FCRL2: variants seen among roughly 807,000 people sequenced by gnomAD.
FCRL2 encodes Fc receptor-like protein 2.
Under a neutral mutation model 59.8 loss-of-function variants are expected in FCRL2, and 48 were observed. That is an observed-to-expected ratio of 0.80 (90% confidence interval 0.64 to 1.02). The LOEUF (loss-of-function observed/expected upper bound fraction) is 1.02. FCRL2 is among the 50% of genes least tolerant of loss of function. FCRL2 has a pLI of 0.00. For synonymous variants in FCRL2, 251 were observed against 229.5 expected (o/e 1.09, Z -0.85); for missense variants, 658 against 597.3 (o/e 1.10, Z -1.06).
Position 157,770,619 on chromosome 1 carries a change from T to C in FCRL2, c.100A>G (p.Ile34Val), listed in dbSNP as rs750399441. ...APSSVFEGDS[I>V]VLKCQGEQNW... is the part of the protein sequence containing the mutation. ...TGTTCTCCCTGGCATTTCAGAACGA[T>C]GCTGTCTCCTTCGAAGACAGAAGAG... Residue 34 changes from isoleucine to valine, a missense_variant, in exon 3 of 12, where the codon ATC (isoleucine) becomes GTC (valine). Physicochemically the swap from Ile to Val is conservative, Grantham distance 29. Transcript: ENST00000361516. 5.0e-6 allele frequency: 8 copies of C among 1,614,082 alleles called. No individual in the cohort carries two copies. Among genetic ancestry groups the C allele is most frequent in the African/African-American group, 1.3e-5 (1 of 74,928 alleles).
At chr1:157,757,353 G>A (rs952299856) in intron 7 of FCRL2, among the ~76,000 whole-genome samples, 2 of 152,188 alleles carry the variant, frequency 1.3e-5, no homozygotes, top group African/African-American at 4.8e-5. Flanking sequence ...TAAGGGTGGA[G>A]CCCTGATACA....
chr1:157,768,264 G>T, intron 5 of FCRL2, 150 bp downstream of exon 5: 1 of 693,528 alleles, frequency 1.4e-6, no homozygotes, highest in Non-Finnish European at 2.4e-6. Flanking sequence ...CAGGTCAGCA[G>T]TCTAACCTGC....
intron 7 of FCRL2, among the ~76,000 whole-genome samples, chr1:157,756,185 T>C (rs1200299238): frequency 6.6e-6 from 1 of 152,226 alleles, no homozygotes; most frequent in East Asian, 1.9e-4. Flanking sequence ...ATTTCTATGC[T>C]GTGCAAAGCA....
Position 157,772,447 on chromosome 1 carries a change from A to C in FCRL2, c.53-1781T>G, listed in dbSNP as rs140473487. Among the ~76,000 whole-genome samples, 39 of 152,326 alleles carry C rather than the reference A, an allele frequency of 2.6e-4. No homozygotes were observed. In the East Asian group the frequency reaches 6.8e-3, roughly 26 times the overall value. ...TGGATGATCTTGAGTCCATAACAGC[A>C]GACCAGCAAGTGGGAGCAGCAGGGT... is the stretch of plus-strand genomic sequence containing the variant. On this transcript the variant is annotated intron_variant, in intron 2 of 11. Transcript: ENST00000361516.
intron 7 of FCRL2, among the ~76,000 whole-genome samples, chr1:157,754,480 T>G (rs1487217177): frequency 2.0e-5 from 3 of 152,176 alleles, no homozygotes; most frequent in African/African-American, 7.2e-5. Context: ...GGGGCTACTC[T>G]GCCTATGGAA....
chr1:157,747,354 A>G (rs1258110695), intron 10 of FCRL2, among the ~76,000 whole-genome samples: 1 of 152,186 alleles, frequency 6.6e-6, no homozygotes, highest in Admixed American at 6.5e-5. Flanking sequence ...CTGCTTAGTG[A>G]TGTCTGCTTC....
chr1:157,761,353 C>T lies in FCRL2; in HGVS notation c.1279+5502G>A, dbSNP rs553521826. Among the ~76,000 whole-genome samples the T allele has an allele frequency of 6.6e-4, 101 of 152,312 alleles. No homozygotes were observed. The South Asian group carries it at 9.5e-3, about 14-fold the overall frequency. ...CACTTAGGCTGGGAGTGGTGGCTCA[C>T]GCCTGTAATCTCATCACTTTGGGAG... On this transcript the variant is annotated intron_variant, in intron 7 of 11. Transcript: ENST00000361516.
chr1:157,771,627 AGG>A (rs1650030736), intron 2 of FCRL2, among the ~76,000 whole-genome samples: 1 of 152,112 alleles, frequency 6.6e-6, no homozygotes, highest in Non-Finnish European at 1.5e-5. Context: ...TCCTCCCCAG[AGG>A]TTGTTTTCCT....
chr1:157,761,836 G>A (rs572662518), intron 7 of FCRL2, among the ~76,000 whole-genome samples: 3 of 151,974 alleles, frequency 2.0e-5, no homozygotes, highest in Non-Finnish European at 2.9e-5. Flanking sequence ...CAAAAGACAC[G>A]GCAGCTTAAG....
At chr1:157,762,366 A>T (rs1649164801) in intron 7 of FCRL2, among the ~76,000 whole-genome samples, 1 of 152,194 alleles carries the variant, frequency 6.6e-6, no homozygotes, top group African/African-American at 2.4e-5. Context: ...GGGCCTGAGA[A>T]TCCTTTCACC....
rs1343319018 is a variant in FCRL2, at chr1:157,748,858, C to A, written c.1393+17G>T. On this transcript the variant is annotated intron_variant, in intron 9 of 11. Coordinates refer to ENST00000361516, the MANE Select transcript of FCRL2 (RefSeq NM_030764.4). ...TTCTGACTCAGCCTCAGAGCCCTTC[C>A]CAGTGGAGACACTCACCATTGACAT... 6.2e-7 allele frequency: 1 copy of A among 1,610,530 alleles called. No homozygotes were observed.
Position 157,746,089 on chromosome 1 carries a change from T to C in FCRL2, c.*647A>G, listed in dbSNP as rs1647720869. ...ATATCAAGCGCTGAAGTTGAATTAG[T>C]AATAAAAAACTTACCAACCAACACA... On this transcript the variant is annotated 3_prime_UTR_variant, in exon 12 of 12. Coordinates refer to ENST00000361516, the MANE Select transcript of FCRL2 (RefSeq NM_030764.4). 1 of 152,134 alleles carries C rather than the reference T, an allele frequency of 6.6e-6. No homozygotes were observed. Among genetic ancestry groups the C allele is most frequent in the Non-Finnish European group, 1.5e-5 (1 of 68,042 alleles). 9.4% of individuals were successfully genotyped at this position (152,134 alleles called of 1,614,324 possible). A position where few individuals can be genotyped will look rare whatever the true frequency, so the allele number is the denominator to read the frequency against.
chr1:157,752,948 T>C (rs1026016759), intron 7 of FCRL2, among the ~76,000 whole-genome samples: 2 of 152,114 alleles, frequency 1.3e-5, no homozygotes, highest in Admixed American at 1.3e-4. Flanking sequence ...AAAAGTTCTG[T>C]AAGAATAGCA....
intron 7 of FCRL2, among the ~76,000 whole-genome samples, chr1:157,756,911 A>G (rs1040854745): frequency 2.6e-5 from 4 of 152,246 alleles, no homozygotes; most frequent in Non-Finnish European, 4.4e-5. Context: ...CATGCTGTAC[A>G]TAAATACATG....
chr1:157,749,745 T>C (rs1266177185), intron 7 of FCRL2, 68 bp from the exon 8 acceptor site: 22 of 1,237,748 alleles, frequency 1.8e-5, no homozygotes, highest in Non-Finnish European at 2.0e-5. Flanking sequence ...TTTGACATGA[T>C]TTAACTACGT....
intron 7 of FCRL2, 137 bp from the exon 8 acceptor site, chr1:157,749,814 T>C (rs1648045103): frequency 1.8e-6 from 1 of 548,048 alleles, no homozygotes; most frequent in Non-Finnish European, 3.3e-6. Flanking sequence ...TTCATCTAAA[T>C]GGCTACTTAT....
intron 7 of FCRL2, chr1:157,766,642 A>G: frequency 1.6e-6 from 1 of 622,618 alleles, no homozygotes; most frequent in Non-Finnish European, 2.6e-6. Context: ...TTTAATCTCC[A>G]GTGACTATGC....
At chr1:157,769,675 T>C in intron 4 of FCRL2, 191 bp downstream of exon 4, 1 of 556,720 alleles carries the variant, frequency 1.8e-6, no homozygotes, top group Non-Finnish European at 3.2e-6. Flanking sequence ...GATCTGCCCG[T>C]CTCAGCCTCC....
At chr1:157,759,245 GT>G (rs1442782361) in intron 7 of FCRL2, among the ~76,000 whole-genome samples, 1 of 152,126 alleles carries the variant, frequency 6.6e-6, no homozygotes, top group Non-Finnish European at 1.5e-5. Flanking sequence ...GGCCTTCTCA[GT>G]CATGTGGAAC....
Sources: gnomAD v4.1 joint callset for allele counts (sites outside exome capture counted in the v4.1 genomes callset) on GRCh38, gnomAD v4.1.1 for gene constraint, MANE v1.5 for transcripts, NCBI Gene and HGNC (gene_info 2026-07-23, HGNC 2026-07-21) for gene names.